Variants in RARB observed in about 807,000 individuals in gnomAD.
RARB encodes the protein HBV-activated protein.
Under a neutral mutation model 51.9 loss-of-function variants are expected in RARB, and 17 were observed. That is an observed-to-expected ratio of 0.33 (90% confidence interval 0.22 to 0.49). The LOEUF is 0.49. Ranked by LOEUF, RARB falls within the 20% of genes least tolerant of loss-of-function variation. RARB has a pLI of 0.99. For missense variants in RARB, 369 were observed against 550.8 expected (o/e 0.67, Z 3.30); for synonymous variants, 215 against 195.4 (o/e 1.10, Z -0.84).
At chr3:25,228,217 G>GTTTTTTTTTTTTTTTTTTTTTT (rs55796125) in intron 5 of RARB, among the ~76,000 whole-genome samples, 1 of 105,628 alleles carries the variant, frequency 9.5e-6, no homozygotes, top group African/African-American at 3.8e-5. Flanking sequence ...GACTTTGAGG[G>GTTTTTTTTTTTTTTTTTTTTTT]TTTTTTTTTT....
intron 5 of RARB, among the ~76,000 whole-genome samples, chr3:25,421,701 G>A (rs1033463975): frequency 7.2e-5 from 11 of 152,040 alleles, no homozygotes; most frequent in Non-Finnish European, 1.6e-4. Context: ...ACTGTGCACG[G>A]CCTTGCACTG....
chr3:25,417,937 C>T (rs1707751671), intron 5 of RARB, among the ~76,000 whole-genome samples: 1 of 150,436 alleles, frequency 6.6e-6, no homozygotes, highest in Non-Finnish European at 1.5e-5. Flanking sequence ...TTCAGGGAGC[C>T]AGGTTCTTTC....
chr3:25,422,659 CAA>C (rs1707892784), intron 5 of RARB, among the ~76,000 whole-genome samples: 1 of 151,406 alleles, frequency 6.6e-6, no homozygotes, highest in South Asian at 2.1e-4. Context: ...AATTACCAGC[CAA>C]GAGAGAAAGA....
chr3:25,544,900 G>T (rs1205814839), intron 3 of RARB, among the ~76,000 whole-genome samples: 1 of 152,194 alleles, frequency 6.6e-6, no homozygotes, highest in Non-Finnish European at 1.5e-5. Flanking sequence ...TTGGTTTCAA[G>T]AAATAGGATG....
At chr3:25,368,266 G>T (rs1348758963) in intron 5 of RARB, among the ~76,000 whole-genome samples, 1 of 152,094 alleles carries the variant, frequency 6.6e-6, no homozygotes, top group Admixed American at 6.6e-5. Flanking sequence ...AAATATGAAG[G>T]TCTGGGAATT....
At chr3:25,298,238 A>C (rs554280838) in intron 5 of RARB, among the ~76,000 whole-genome samples, 1 of 149,400 alleles carries the variant, frequency 6.7e-6, no homozygotes, top group Non-Finnish European at 1.5e-5. Flanking sequence ...GCTGAAGTGC[A>C]GTGGTGCGAT....
intron 5 of RARB, among the ~76,000 whole-genome samples, chr3:25,381,897 C>A (rs1405442542): frequency 6.6e-6 from 1 of 152,060 alleles, no homozygotes; most frequent in African/African-American, 2.4e-5. Context: ...TGTGGATATC[C>A]CCTCTCTACT....
intron 2 of RARB, among the ~76,000 whole-genome samples, chr3:25,024,822 A>T (rs1284733553): frequency 6.6e-6 from 1 of 151,924 alleles, no homozygotes; most frequent in Non-Finnish European, 1.5e-5. Flanking sequence ...GCGTGGTGAC[A>T]CACGGCAGTA....
chr3:25,595,952 C>G (rs558839711), intron 7 of RARB, among the ~76,000 whole-genome samples: 1 of 152,318 alleles, frequency 6.6e-6, no homozygotes, highest in Non-Finnish European at 1.5e-5. Context: ...CATATCTCAG[C>G]TGCTTTTCCA....
intron 5 of RARB, among the ~76,000 whole-genome samples, chr3:25,308,469 GAC>G (rs1704206794): frequency 5.0e-5 from 6 of 118,814 alleles, no homozygotes; most frequent in African/African-American, 2.1e-4. Flanking sequence ...TTTTTTTTGA[GAC>G]AGAGTCTTGT....
intron 3 of RARB, among the ~76,000 whole-genome samples, chr3:25,063,485 A>T (rs1698591638): frequency 6.6e-6 from 1 of 152,002 alleles, no homozygotes; most frequent in Admixed American, 6.6e-5. Flanking sequence ...TTTAGTATTT[A>T]TGGCAGTGTC....
At chr3:25,457,910 G>A (rs549179130) in intron 1 of RARB, among the ~76,000 whole-genome samples, 9 of 152,140 alleles carry the variant, frequency 5.9e-5, no homozygotes, top group South Asian at 4.1e-4. Context: ...AACTCAATGC[G>A]AGATTGATCA....
At chr3:25,206,233 A>G (rs1439797178) in intron 5 of RARB, among the ~76,000 whole-genome samples, 3 of 152,204 alleles carry the variant, frequency 2.0e-5, no homozygotes, top group East Asian at 1.9e-4. Flanking sequence ...CTGGTTGCCC[A>G]TGCAGTTTAA....
intron 5 of RARB, among the ~76,000 whole-genome samples, chr3:25,317,599 C>T (rs554760901): frequency 1.3e-5 from 2 of 152,082 alleles, no homozygotes; most frequent in South Asian, 4.2e-4. Context: ...ACCTCACAAT[C>T]CATGACTAAG....
At chr3:25,374,813 G>A (rs1706407729) in intron 5 of RARB, among the ~76,000 whole-genome samples, 2 of 151,990 alleles carry the variant, frequency 1.3e-5, no homozygotes, top group South Asian at 4.2e-4. Context: ...CTTTCTTCAG[G>A]GCTAATGATT....
intron 3 of RARB, among the ~76,000 whole-genome samples, chr3:25,550,972 CT>C (rs1699828455): frequency 6.6e-6 from 1 of 152,120 alleles, no homozygotes; most frequent in Non-Finnish European, 1.5e-5. Context: ...ACCAAGTTTT[CT>C]TTAGGGGATT....
intron 5 of RARB, among the ~76,000 whole-genome samples, chr3:25,409,868 T>A (rs548004784): frequency 1.3e-5 from 2 of 152,218 alleles, no homozygotes; most frequent in African/African-American, 4.8e-5. Context: ...CCAGGAATCC[T>A]TCAGTGTTTA....
intron 2 of RARB, among the ~76,000 whole-genome samples, chr3:25,035,041 A>G (rs116374872): frequency 6.6e-6 from 1 of 152,346 alleles, no homozygotes; most frequent in Non-Finnish European, 1.5e-5. Context: ...AAGTAAAGAA[A>G]TATTAATAGG....
At chr3:25,145,541 T>C (rs1371128006) in intron 4 of RARB, among the ~76,000 whole-genome samples, 1 of 152,140 alleles carries the variant, frequency 6.6e-6, no homozygotes, top group East Asian at 1.9e-4. Flanking sequence ...GCACTCACCA[T>C]TTTTCAAGCT....
Sources: allele counts gnomAD v4.1 joint callset (sites outside exome capture counted in the v4.1 genomes callset), GRCh38; gene constraint gnomAD v4.1.1; transcripts MANE v1.5; gene names NCBI Gene and HGNC (gene_info 2026-07-23, HGNC 2026-07-21).